CTSS: variants seen among roughly 807,000 people sequenced by gnomAD.
CTSS encodes cathepsin S.
In CTSS, 15 loss-of-function variants were observed where a neutral mutation model predicts 39.9. The ratio of observed to expected loss-of-function variants is 0.38; its 90% CI spans 0.25 to 0.58. CTSS has a LOEUF of 0.58. Among genes scored for constraint, CTSS ranks in the 20% least tolerant of loss-of-function variants. CTSS has a pLI of 0.70. For missense variants in CTSS, 250 were observed against 398.2 expected, an observed-to-expected ratio of 0.63 and a Z score of 3.17; for synonymous variants, 126 against 138.2, an observed-to-expected ratio of 0.91 and a Z score of 0.62.
chr1:150,765,089 T>TC (rs1653343586), intron 1 of CTSS, among the ~76,000 whole-genome samples: 1 of 148,572 alleles, frequency 6.7e-6, no homozygotes, highest in Admixed American at 6.7e-5. Context: ...GGAAATCTCT[T>TC]TCTCTCTCTC....
At chr1:150,753,896 G>T (rs1484288134) in intron 4 of CTSS, among the ~76,000 whole-genome samples, 1 of 151,590 alleles carries the variant, frequency 6.6e-6, no homozygotes, top group African/African-American at 2.4e-5. Flanking sequence ...AGCCCAGATC[G>T]CACCACTGCA....
intron 3 of CTSS, among the ~76,000 whole-genome samples, chr1:150,756,726 T>TTTTTTTTTTTTTTG (rs1653137274): frequency 6.8e-6 from 1 of 147,612 alleles, no homozygotes; most frequent in Admixed American, 6.8e-5. Flanking sequence ...TTTTTTTTTT[T>TTTTTTTTTTTTTTG]CTCTTTTGAG....
At chr1:150,745,192 A>G (rs1307628351) in intron 7 of CTSS, among the ~76,000 whole-genome samples, 5 of 152,124 alleles carry the variant, frequency 3.3e-5, no homozygotes, top group Non-Finnish European at 4.4e-5. Context: ...TCAAGTAAAG[A>G]TTTAAGGGGT....
chr1:150,735,587 TTTTG>T (rs886118087), intron 7 of CTSS, among the ~76,000 whole-genome samples: 9 of 152,030 alleles, frequency 5.9e-5, no homozygotes, highest in Non-Finnish European at 8.8e-5. Flanking sequence ...TAGTGGGTTT[TTTTG>T]TTTGTTTGTT....
chr1:150,747,308 T>A (rs1455820988), intron 7 of CTSS, among the ~76,000 whole-genome samples: 1 of 152,094 alleles, frequency 6.6e-6, no homozygotes, highest in Non-Finnish European at 1.5e-5. Context: ...AAGATATATG[T>A]AAGTGAGTGT....
chr1:150,740,671 C>T (rs1258974403), intron 7 of CTSS, among the ~76,000 whole-genome samples: 1 of 152,084 alleles, frequency 6.6e-6, no homozygotes, highest in Non-Finnish European at 1.5e-5. Context: ...GGATTACAGG[C>T]ATGAGCCACT....
intron 4 of CTSS, among the ~76,000 whole-genome samples, chr1:150,753,122 T>A (rs1271338709): frequency 6.6e-6 from 1 of 152,220 alleles, no homozygotes; most frequent in African/African-American, 2.4e-5. Flanking sequence ...CCCAAAGTGC[T>A]GGAATCACAG....
intron 2 of CTSS, among the ~76,000 whole-genome samples, chr1:150,759,745 G>T (rs1319407173): frequency 6.6e-6 from 1 of 152,130 alleles, no homozygotes; most frequent in South Asian, 2.1e-4. Context: ...AGAAGGCAAG[G>T]TGGATGGTGC....
chr1:150,763,625 G>A (rs1653307552), intron 2 of CTSS, among the ~76,000 whole-genome samples: 1 of 151,960 alleles, frequency 6.6e-6, no homozygotes, highest in African/African-American at 2.4e-5. Context: ...ACCTAAGAGT[G>A]TCATTTTTAT....
intron 7 of CTSS, among the ~76,000 whole-genome samples, chr1:150,741,830 G>A (rs764086954): frequency 3.2e-4 from 49 of 150,980 alleles, no homozygotes; most frequent in Non-Finnish European, 6.2e-4. Flanking sequence ...AGCCGAGATT[G>A]TGCCACTGCA....
At position 150,751,390 on chromosome 1, in the gene CTSS, G is replaced by A. The variant is rs182732504; in HGVS notation, c.627+391C>T. 6.1e-3 allele frequency among the ~76,000 whole-genome samples: 934 copies of A among 152,170 alleles called. 6 individuals carry two copies. The highest frequency in any genetic ancestry group is 9.9e-3 in the Non-Finnish European group (676 of 68,006). On this transcript the variant is annotated intron_variant, in intron 5 of 7. Transcript: ENST00000368985. ...AGCCTCCCGAGTAGCTGGGACCACA[G>A]GCATGCACCACCATGCCTGGCTAAT...
intron 2 of CTSS, among the ~76,000 whole-genome samples, chr1:150,763,610 G>T (rs1054478023): frequency 6.6e-6 from 1 of 151,974 alleles, no homozygotes; most frequent in Non-Finnish European, 1.5e-5. Flanking sequence ...AACTTAGAGT[G>T]TATGACCTAA....
At chr1:150,753,301 T>A (rs1653046681) in intron 4 of CTSS, among the ~76,000 whole-genome samples, 1 of 152,224 alleles carries the variant, frequency 6.6e-6, no homozygotes, top group South Asian at 2.1e-4. Flanking sequence ...TTTTGCAATT[T>A]TTTTAAAACA....
rs780100186 is a variant in CTSS at position 150,751,919 on chromosome 1, A to C, written c.489T>G (p.Ser163Arg). The C allele has an allele frequency of 1.2e-6, 2 of 1,614,214 alleles. No homozygotes were observed. The highest frequency in any genetic ancestry group is 1.7e-6 in the Non-Finnish European group (2 of 1,180,036). ...TTGAGCAATCCACCAGGTTCTGGGC[A>C]CTGAGAGACACCAGCTTTCCTGTTT... The part of the protein sequence containing the change: ...KLKTGKLVSL[S>R]AQNLVDCSTE... The change falls in exon 5 of 8, where the codon AGT (serine) becomes AGG (arginine). Residue 163 changes from serine to arginine, a missense_variant. Physicochemically the swap from Ser to Arg is moderately radical, Grantham distance 110. Coordinates refer to ENST00000368985, the MANE Select transcript of CTSS (RefSeq NM_004079.5).
chr1:150,734,059 G>A (rs1033389338), intron 7 of CTSS, among the ~76,000 whole-genome samples: 21 of 148,894 alleles, frequency 1.4e-4, no homozygotes, highest in African/African-American at 4.5e-4. Flanking sequence ...GTGAAGTTTC[G>A]CTCTTGTTGC....
rs919794121 is a variant in CTSS, at chr1:150,732,478, A to C, written c.*568T>G. ...AAAGACAAAGAGTATACAATAAAAC[A>C]ATAAGCAATTACAGATTGTTTTAGG... On this transcript the variant is annotated 3_prime_UTR_variant, in exon 8 of 8. Coordinates refer to ENST00000368985, the MANE Select transcript of CTSS (RefSeq NM_004079.5). 2.0e-5 allele frequency: 3 copies of C among 152,248 alleles called. No individual in the cohort carries two copies. The highest frequency in any genetic ancestry group is 4.4e-5 in the Non-Finnish European group (3 of 68,050). 9.4% of individuals were successfully genotyped at this position (152,248 alleles called of 1,614,324 possible). A position where few individuals can be genotyped will look rare whatever the true frequency, so the allele number is the denominator to read the frequency against.
intron 2 of CTSS, among the ~76,000 whole-genome samples, chr1:150,761,311 T>A (rs768315775): frequency 8.5e-5 from 13 of 152,110 alleles, no homozygotes; most frequent in Non-Finnish European, 1.8e-4. Context: ...CACTAACAAC[T>A]ATTTGAAAAA....
At chr1:150,761,847 T>C (rs968001277) in intron 2 of CTSS, among the ~76,000 whole-genome samples, 1 of 152,226 alleles carries the variant, frequency 6.6e-6, no homozygotes, top group African/African-American at 2.4e-5. Flanking sequence ...ATGTTCATAC[T>C]ATCCAAAGCA....
chr1:150,759,610 A>T (rs1653210129), intron 2 of CTSS, among the ~76,000 whole-genome samples: 2 of 152,140 alleles, frequency 1.3e-5, no homozygotes, highest in Non-Finnish European at 2.9e-5. Flanking sequence ...TTATTCCTTT[A>T]TATATAGTCT....
Sources: gnomAD v4.1 joint callset for allele counts (sites outside exome capture counted in the v4.1 genomes callset) on GRCh38, gnomAD v4.1.1 for gene constraint, MANE v1.5 for transcripts, NCBI Gene and HGNC (gene_info 2026-07-23, HGNC 2026-07-21) for gene names.